The following GLIS3 variants were observed in gnomAD, a reference collection of about 807,000 sequenced individuals.
GLIS3 encodes zinc finger protein GLIS3.
A neutral mutation model predicts 78.6 loss-of-function variants in GLIS3; 53 were observed. The observed-to-expected ratio is 0.67, with a 90% CI of 0.54 to 0.85. The LOEUF is 0.85. Among genes scored for constraint, GLIS3 ranks in the 40% least tolerant of loss-of-function variants. GLIS3 has a pLI of 0.00. For synonymous variants in GLIS3, 684 were observed against 509.9 expected (o/e 1.34, Z -4.60); for missense variants, 1,703 against 1,231.1 (o/e 1.38, Z -5.74).
chr9:4,128,531 A>G (rs1832739118), intron 2 of GLIS3, among the ~76,000 whole-genome samples: 1 of 152,236 alleles, frequency 6.6e-6, no homozygotes, highest in Non-Finnish European at 1.5e-5. Context: ...GTGAATATTA[A>G]ATACTGACAA....
At chr9:4,236,364 T>A (rs1822754121) in intron 2 of GLIS3, among the ~76,000 whole-genome samples, 1 of 152,154 alleles carries the variant, frequency 6.6e-6, no homozygotes, top group Non-Finnish European at 1.5e-5. Context: ...AGTTTTTAAA[T>A]AGTTCCTGCT....
At chr9:3,926,387 C>G (rs957135863) in intron 6 of GLIS3, among the ~76,000 whole-genome samples, 1 of 151,408 alleles carries the variant, frequency 6.6e-6, no homozygotes, top group African/African-American at 2.4e-5. Context: ...CCAGCCACCA[C>G]GCCTGGCTAA....
chr9:4,002,117 C>T (rs1821161141), intron 4 of GLIS3, among the ~76,000 whole-genome samples: 1 of 152,128 alleles, frequency 6.6e-6, no homozygotes, highest in Admixed American at 6.6e-5. Flanking sequence ...CCCAATTCAA[C>T]CACAAGGGTC....
chr9:3,882,467 C>T (rs1048427172), intron 7 of GLIS3, among the ~76,000 whole-genome samples: 1 of 151,882 alleles, frequency 6.6e-6, no homozygotes, highest in South Asian at 2.1e-4. Context: ...TGCTACCATG[C>T]TACGGCTGGT....
intron 4 of GLIS3, among the ~76,000 whole-genome samples, chr9:4,003,385 G>A (rs1359688791): frequency 1.3e-5 from 2 of 152,176 alleles, no homozygotes; most frequent in Non-Finnish European, 2.9e-5. Context: ...GTAGGAGACA[G>A]AATAGGGAGA....
chr9:3,829,224 C>G, intron 10 of GLIS3, 86 bp downstream of exon 10: 1 of 1,156,920 alleles, frequency 8.6e-7, no homozygotes, highest in East Asian at 2.4e-5. Context: ...TGCTTGGTCA[C>G]GTCCAGCCCA....
the GLIS3 span, among the ~76,000 whole-genome samples, chr9:4,424,303 G>A: frequency 1.1e-3 from 165 of 152,200 alleles, 1 homozygote; most frequent in Non-Finnish European, 1.4e-3. Flanking sequence ...CTCTATGGGC[G>A]TCTGTTTCCC....
At chr9:4,149,020 T>C (rs1238144961) in intron 2 of GLIS3, among the ~76,000 whole-genome samples, 63 of 152,076 alleles carry the variant, frequency 4.1e-4, no homozygotes, top group Admixed American at 4.1e-3. Context: ...CAAACCTCTG[T>C]CTCCTCTCCA....
chr9:4,433,224 G>C, the GLIS3 span, among the ~76,000 whole-genome samples: 36 of 152,280 alleles, frequency 2.4e-4, no homozygotes, highest in Admixed American at 1.4e-3. Context: ...CTGAGGTCAG[G>C]AGTTTGAGAC....
chr9:4,056,322 T>A (rs577886350), intron 4 of GLIS3, among the ~76,000 whole-genome samples: 1 of 152,350 alleles, frequency 6.6e-6, no homozygotes, highest in East Asian at 1.9e-4. Flanking sequence ...TGTCATAATG[T>A]AAACTCTCTG....
the GLIS3 span, among the ~76,000 whole-genome samples, chr9:4,444,255 T>C: frequency 5.3e-5 from 8 of 152,216 alleles, no homozygotes; most frequent in African/African-American, 1.9e-4. Context: ...TTATCTTAAT[T>C]CACAAGAACA....
chr9:4,307,547 A>AC (rs1301717784), intron 4 of GLIS3, among the ~76,000 whole-genome samples: 1 of 147,590 alleles, frequency 6.8e-6, no homozygotes, highest in Non-Finnish European at 1.5e-5. Context: ...CTGCATCCCA[A>AC]CAAAAAAAAA....
chr9:4,201,863 T>C (rs1211719465), intron 2 of GLIS3, among the ~76,000 whole-genome samples: 1 of 152,140 alleles, frequency 6.6e-6, no homozygotes, highest in Non-Finnish European at 1.5e-5. Context: ...AAGCCAGGCA[T>C]GGTAGCTCAT....
At chr9:4,251,329 C>G (rs1490358620) in intron 2 of GLIS3, among the ~76,000 whole-genome samples, 1 of 151,894 alleles carries the variant, frequency 6.6e-6, no homozygotes, top group East Asian at 1.9e-4. Context: ...GTTTACTCTA[C>G]TTGTTGTGTT....
chr9:4,090,684 C>T (rs551336244), intron 4 of GLIS3, among the ~76,000 whole-genome samples: 132 of 152,328 alleles, frequency 8.7e-4, no homozygotes, highest in African/African-American at 2.9e-3. Flanking sequence ...GTGGCCACGG[C>T]ATCCAGTGTT....
rs189583448 is a variant in GLIS3, at chr9:4,165,377, G to A, written c.389-39436C>T. On this transcript the variant is annotated intron_variant, in intron 2 of 10. Coordinates refer to ENST00000381971, the MANE Select transcript of GLIS3 (RefSeq NM_001042413.2). ...AACCGCTTGAGCCCAGGAGGCGGAG[G>A]TTGCAGTGAGCCGAGACCATGCCAT... Among the ~76,000 whole-genome samples the A allele has an allele frequency of 2.0e-5, 3 of 152,294 alleles. No individual in the cohort carries two copies. The East Asian group carries it at 5.8e-4, about 29-fold the overall frequency.
the GLIS3 span, among the ~76,000 whole-genome samples, chr9:4,490,120 G>C: frequency 3.3e-5 from 5 of 152,198 alleles, no homozygotes; most frequent in African/African-American, 1.2e-4. Context: ...GAACGGAGAG[G>C]GAGACGTGCA....
In GLIS3 at chr9:3,907,413, G is replaced by A. The variant is rs571137351; in HGVS notation, c.1984-8578C>T. ...CTAAAATAGACAACGTGATCCTTTC[G>A]TAATTTACTTTCCTAATGGAGAATT... On this transcript the variant is annotated intron_variant, in intron 6 of 10. Transcript: ENST00000381971. Among the ~76,000 whole-genome samples, 100 of 152,184 alleles carry A rather than the reference G, an allele frequency of 6.6e-4. 1 individual carries two copies. The highest frequency in any genetic ancestry group is 3.5e-3 in the Admixed American group (53 of 15,280).
At chr9:4,209,423 C>T (rs533525994) in intron 2 of GLIS3, among the ~76,000 whole-genome samples, 2 of 152,280 alleles carry the variant, frequency 1.3e-5, no homozygotes, top group South Asian at 2.1e-4. Context: ...ATCTGTACAA[C>T]AGTCCCACAC....
Sources: allele counts gnomAD v4.1 joint callset (sites outside exome capture counted in the v4.1 genomes callset), GRCh38; gene constraint gnomAD v4.1.1; transcripts MANE v1.5; gene names NCBI Gene and HGNC (gene_info 2026-07-23, HGNC 2026-07-21).